PCDH15: variants seen among roughly 807,000 people sequenced by gnomAD.
PCDH15 encodes protocadherin-15.
In PCDH15, 129 loss-of-function variants were observed where a neutral mutation model predicts 178.5. The ratio of observed to expected loss-of-function variants is 0.72; its 90% CI spans 0.63 to 0.84. The LOEUF (loss-of-function observed/expected upper bound fraction) is 0.84, where lower values mean the gene tolerates loss of function less well. Ranked by LOEUF, PCDH15 falls within the 40% of genes least tolerant of loss-of-function variation. The pLI, the probability that PCDH15 is intolerant of heterozygous loss-of-function variation, is 0.00. For missense variants in PCDH15, 2,230 were observed against 2,099.9 expected (o/e 1.06, Z -1.21); for synonymous variants, 800 against 732.0 (o/e 1.09, Z -1.50).
In PCDH15 at chr10:54,854,295, G is replaced by T. The variant is rs147825025; in HGVS notation, c.-29+43155C>A. On this transcript the variant is annotated intron_variant, in intron 3 of 5. Coordinates refer to the PCDH15 transcript ENST00000458638. ...ACAGCCCTGACTCAGGGGGCTCCCA[G>T]AGGGCTGCAACTCTTCTTTCCTTCT... 2.3e-3 allele frequency among the ~76,000 whole-genome samples: 348 copies of T among 152,300 alleles called. 2 individuals are homozygous for T. The highest frequency in any genetic ancestry group is 8.2e-3 in the African/African-American group (341 of 41,590).
At chr10:55,458,881 C>T (rs577821984) in intron 2 of PCDH15, among the ~76,000 whole-genome samples, 1 of 151,994 alleles carries the variant, frequency 6.6e-6, no homozygotes, top group South Asian at 2.1e-4. Flanking sequence ...CGGTAAATGA[C>T]TAAAAATAGT....
At chr10:54,827,705 T>G (rs1953154523) in intron 3 of PCDH15, among the ~76,000 whole-genome samples, 1 of 152,074 alleles carries the variant, frequency 6.6e-6, no homozygotes, top group Admixed American at 6.6e-5. Context: ...CTTTAAAAAT[T>G]ATTGTAGAGC....
intron 2 of PCDH15, chr10:54,585,566 A>G: frequency 8.6e-6 from 2 of 232,242 alleles, no homozygotes; most frequent in Non-Finnish European, 1.8e-5. Context: ...ATAGTTAACA[A>G]ATAATTCATT....
intron 1 of PCDH15, among the ~76,000 whole-genome samples, chr10:54,678,180 T>G (rs2094827967): frequency 6.6e-6 from 1 of 152,152 alleles, no homozygotes; most frequent in East Asian, 1.9e-4. Context: ...ACACATATAT[T>G]TATATATGCA....
intron 6 of PCDH15, among the ~76,000 whole-genome samples, chr10:54,330,796 AT>A (rs1428803515): frequency 6.6e-6 from 1 of 151,898 alleles, no homozygotes; most frequent in Non-Finnish European, 1.5e-5. Context: ...TCACTTTTGT[AT>A]TTTAGTGCCA....
chr10:55,526,713 C>T (rs952179849), intron 2 of PCDH15, among the ~76,000 whole-genome samples: 3 of 152,068 alleles, frequency 2.0e-5, no homozygotes, highest in African/African-American at 7.2e-5. Flanking sequence ...ATGCTTGTGA[C>T]TGTGTCATTA....
chr10:54,464,296 T>C (rs111369802), intron 3 of PCDH15, among the ~76,000 whole-genome samples: 2,380 of 152,126 alleles, frequency 0.016, 64 homozygotes, highest in African/African-American at 0.055. Flanking sequence ...AAAAGGAGAT[T>C]TTAATATTGA....
intron 1 of PCDH15, among the ~76,000 whole-genome samples, chr10:55,271,804 C>T (rs575765263): frequency 1.4e-4 from 22 of 152,126 alleles, no homozygotes; most frequent in Non-Finnish European, 1.0e-4. Flanking sequence ...AGCAGCTTCC[C>T]GAAACTGACC....
intron 27 of PCDH15, among the ~76,000 whole-genome samples, chr10:53,864,062 T>G (rs544643676): frequency 6.6e-6 from 1 of 152,034 alleles, no homozygotes; most frequent in East Asian, 1.9e-4. Flanking sequence ...CAAAATAGAG[T>G]GATTACTGAC....
chr10:54,989,999 C>T (rs1839461684), intron 2 of PCDH15, among the ~76,000 whole-genome samples: 1 of 152,118 alleles, frequency 6.6e-6, no homozygotes, highest in Admixed American at 6.5e-5. Context: ...CTCTCTTTGC[C>T]TGCTGCCCTC....
intron 2 of PCDH15, among the ~76,000 whole-genome samples, chr10:55,141,372 A>C (rs182452531): frequency 2.0e-5 from 3 of 152,190 alleles, no homozygotes; most frequent in Admixed American, 2.0e-4. Flanking sequence ...TGCTGCAAAA[A>C]GCAAAAAGCT....
chr10:53,942,384 C>T (rs1224712078), intron 23 of PCDH15, among the ~76,000 whole-genome samples: 2 of 152,150 alleles, frequency 1.3e-5, no homozygotes, highest in African/African-American at 4.8e-5. Flanking sequence ...AAGGCTTTGC[C>T]AATCCCCATG....
At chr10:54,471,190 A>G (rs2077895511) in intron 3 of PCDH15, among the ~76,000 whole-genome samples, 2 of 152,174 alleles carry the variant, frequency 1.3e-5, no homozygotes, top group African/African-American at 4.8e-5. Flanking sequence ...AAACATATTT[A>G]TTGTGTATTA....
intron 26 of PCDH15, among the ~76,000 whole-genome samples, chr10:53,898,705 C>T (rs1296224315): frequency 6.6e-6 from 1 of 152,176 alleles, no homozygotes; most frequent in Admixed American, 6.5e-5. Flanking sequence ...GGAGACCTCC[C>T]TTAACAATCA....
At chr10:54,926,858 T>C (rs1002165513) in intron 2 of PCDH15, among the ~76,000 whole-genome samples, 3 of 152,056 alleles carry the variant, frequency 2.0e-5, no homozygotes, top group African/African-American at 7.2e-5. Flanking sequence ...TTATTCTAGA[T>C]AGTAGTATAT....
chr10:55,338,246 C>CA (rs1186680466), intron 2 of PCDH15, among the ~76,000 whole-genome samples: 1 of 151,822 alleles, frequency 6.6e-6, no homozygotes, highest in African/African-American at 2.4e-5. Flanking sequence ...AAACGTCCCT[C>CA]AAAAAAACTA....
chr10:54,332,970 G>A (rs994327284), intron 6 of PCDH15, among the ~76,000 whole-genome samples: 1 of 151,978 alleles, frequency 6.6e-6, no homozygotes, highest in Non-Finnish European at 1.5e-5. Flanking sequence ...GATGGATGCA[G>A]TCTTGCTCTG....
chr10:54,682,482 A>G (rs1459732919), intron 1 of PCDH15, among the ~76,000 whole-genome samples: 3 of 152,202 alleles, frequency 2.0e-5, no homozygotes, highest in African/African-American at 7.2e-5. Context: ...TTGGTCATTT[A>G]TATAATGGCA....
At chr10:55,101,264 A>G (rs966110519) in intron 2 of PCDH15, among the ~76,000 whole-genome samples, 1 of 152,038 alleles carries the variant, frequency 6.6e-6, no homozygotes, top group East Asian at 1.9e-4. Context: ...CTGTAATCCC[A>G]GCTACTACAC....
Sources: allele counts gnomAD v4.1 joint callset (sites outside exome capture counted in the v4.1 genomes callset), GRCh38; gene constraint gnomAD v4.1.1; transcripts MANE v1.5; gene names NCBI Gene and HGNC (gene_info 2026-07-23, HGNC 2026-07-21).